The following PLEKHG4B variants were observed in gnomAD, a reference collection of about 807,000 sequenced individuals.
PLEKHG4B encodes the protein pleckstrin homology domain-containing family G member 4B.
A neutral mutation model predicts 121.3 loss-of-function variants in PLEKHG4B; 111 were observed. The ratio of observed to expected loss-of-function variants is 0.92; its 90% confidence interval spans 0.78 to 1.07. The LOEUF is 1.07. Ranked by LOEUF, PLEKHG4B falls within the 50% of genes least tolerant of loss-of-function variation. PLEKHG4B has a pLI of 0.00. For missense variants in PLEKHG4B, 1,831 were observed against 1,757.8 expected, an observed-to-expected ratio of 1.04 and a Z score of -0.74; for synonymous variants, 738 against 725.0, an observed-to-expected ratio of 1.02 and a Z score of -0.29.
At position 169,202 on chromosome 5, in the gene PLEKHG4B, G is replaced by T; in HGVS notation, c.3477-138G>T. 3 of 1,192,446 alleles carry T rather than the reference G, an allele frequency of 2.5e-6. No individual in the cohort carries two copies. The South Asian group carries it at 4.5e-5, about 18-fold the overall frequency. 73.9% of individuals were successfully genotyped at this position (1,192,446 alleles called of 1,614,324 possible). ...AGCTTTTTTATCGTGCATCCCACAT[G>T]TGCCCATGTGCCTCCAGTCCACATG... On this transcript the variant is annotated intron_variant, in intron 13 of 19. Transcript: ENST00000637938.
rs1735919962 is a variant in PLEKHG4B, at chr5:159,460, C to T, written c.2488-2323C>T. On this transcript the variant is annotated intron_variant, in intron 11 of 19. Transcript: ENST00000637938. This position sits in a 1 kb window ranked among gnomAD's most constrained non-coding sequence, Gnocchi z 5.5. ...TTGCCTTAATTTTCCCCACCCCTGG[C>T]TGTGTGCTGTCCTTGTAAGGTAGAT... is the stretch of plus-strand genomic sequence containing the variant. Among the ~76,000 whole-genome samples the T allele has an allele frequency of 6.6e-6, 1 of 152,226 alleles. No individual in the cohort carries two copies. The highest frequency in any genetic ancestry group is 2.4e-5 in the African/African-American group (1 of 41,458).
At chr5:123,848 C>T (rs1472545360) in intron 2 of PLEKHG4B, among the ~76,000 whole-genome samples, 1 of 151,912 alleles carries the variant, frequency 6.6e-6, no homozygotes, top group Non-Finnish European at 1.5e-5. Flanking sequence ...TCTATTCTTT[C>T]ATGTATCTCT....
chr5:151,575 G>C lies in PLEKHG4B; in HGVS notation c.1968G>C (p.Arg656Ser). The change falls in exon 7 of 20, where the codon AGG becomes AGC. Residue 656 changes from arginine to serine, a missense_variant. By Grantham distance (110) the Arg-to-Ser change is moderately radical (BLOSUM62 -1). Coordinates refer to ENST00000637938, the MANE Select transcript of PLEKHG4B (RefSeq NM_052909.5). ...TGGTAGATAAAGAATCTGCATTTAG[G>C]CCTGACAAGGATGCAATAATTCAGG... ...LLLVDKESAF[R>S]PDKDAIIQCE... 1 of 1,589,286 alleles carries C rather than the reference G, an allele frequency of 6.3e-7. No individual in the cohort carries two copies. The highest frequency in any genetic ancestry group is 8.6e-7 in the Non-Finnish European group (1 of 1,158,938).
At chr5:147,931 C>T (rs1244105365) in intron 6 of PLEKHG4B, among the ~76,000 whole-genome samples, 8 of 151,772 alleles carry the variant, frequency 5.3e-5, no homozygotes, top group East Asian at 3.9e-4. Flanking sequence ...AAGGATGGTT[C>T]GACACATGAA....
chr5:108,063 A>G (rs1273094381), intron 1 of PLEKHG4B, among the ~76,000 whole-genome samples: 1 of 152,142 alleles, frequency 6.6e-6, no homozygotes, highest in African/African-American at 2.4e-5. Flanking sequence ...ATCCCCTGCC[A>G]CCAGGTCCTG....
At chr5:143,754 ACACT>A (rs1159968096) in intron 5 of PLEKHG4B, among the ~76,000 whole-genome samples, 1 of 152,218 alleles carries the variant, frequency 6.6e-6, no homozygotes, top group Non-Finnish European at 1.5e-5. Context: ...CAGACAGGGC[ACACT>A]CACTCTTTGG....
chr5:102,336 A>G (rs1186394471), intron 1 of PLEKHG4B, among the ~76,000 whole-genome samples: 1 of 152,074 alleles, frequency 6.6e-6, no homozygotes, highest in Non-Finnish European at 1.5e-5. Context: ...GGATTTGACT[A>G]TATTTTGTAA....
chr5:101,255 G>C (rs1317792407), intron 1 of PLEKHG4B, among the ~76,000 whole-genome samples: 1 of 124,886 alleles, frequency 8.0e-6, no homozygotes, highest in Non-Finnish European at 1.6e-5. Context: ...GTCTGTAGGG[G>C]AGACTGTTGT....
At chr5:170,568 G>A (rs979147617) in intron 14 of PLEKHG4B, among the ~76,000 whole-genome samples, 1 of 152,170 alleles carries the variant, frequency 6.6e-6, no homozygotes, top group Non-Finnish European at 1.5e-5. Context: ...CCAAAGTGCT[G>A]GGATTACAGG....
intron 6 of PLEKHG4B, 61 bp from the exon 7 acceptor site, chr5:151,452 C>A: frequency 8.5e-7 from 1 of 1,178,314 alleles, no homozygotes; most frequent in Non-Finnish European, 1.2e-6. Context: ...TTGGGCAATT[C>A]TATTAATGAA....
At position 176,057 on chromosome 5, in the gene PLEKHG4B, G is replaced by A. The variant is rs551439520; in HGVS notation, c.4402+1959G>A. ...CAGGTGAAGCCACCACCTCCCCACC[G>A]GCCCCTGAAACACTCCGGAGCCAGC... On this transcript the variant is annotated intron_variant, in intron 18 of 19. Coordinates refer to ENST00000637938, the MANE Select transcript of PLEKHG4B (RefSeq NM_052909.5). Among the ~76,000 whole-genome samples, 10 of 115,174 alleles carry A rather than the reference G, an allele frequency of 8.7e-5. 4 individuals are homozygous for A. Among genetic ancestry groups the A allele is most frequent in the Admixed American group, 5.9e-4 (7 of 11,950 alleles). 75.6% of individuals were successfully genotyped at this position (115,174 alleles called of 152,430 possible). A position where few individuals can be genotyped will look rare whatever the true frequency, so the allele number is the denominator to read the frequency against.
chr5:175,153 T>TCCTGCC (rs2126461202), intron 18 of PLEKHG4B, among the ~76,000 whole-genome samples: 1 of 152,168 alleles, frequency 6.6e-6, no homozygotes, highest in South Asian at 2.1e-4. Flanking sequence ...CTGGTTGACT[T>TCCTGCC]CCTGCCCCTG....
At position 113,347 on chromosome 5, in the gene PLEKHG4B, A is replaced by G. The variant is rs1036852984; in HGVS notation, c.142A>G (p.Ser48Gly). ...AGCCACGGTGCTCTGGCAGCTGTTC[A>G]GCGTGGCCGAGAGGTGCCACGGTGG... ...TAATVLWQLFSVAERCHGGDG... is the reference protein window; with the variant it reads ...TAATVLWQLFGVAERCHGGDG... Residue 48 changes from serine to glycine, a missense_variant, in exon 2 of 20, where the codon AGC (serine) becomes GGC (glycine). Coordinates refer to ENST00000637938, the MANE Select transcript of PLEKHG4B (RefSeq NM_052909.5). This position sits in a 1 kb window ranked among gnomAD's most constrained non-coding sequence, Gnocchi z 5.2. The G allele has an allele frequency of 5.0e-6, 2 of 398,996 alleles. No homozygotes were observed. Among genetic ancestry groups the G allele is most frequent in the East Asian group, 3.6e-5 (1 of 28,074 alleles). The allele number at this position is 398,996 out of a possible 1,614,324, so 24.7% of individuals were successfully genotyped here.
intron 3 of PLEKHG4B, among the ~76,000 whole-genome samples, chr5:141,711 A>ATTTTT (rs34273619): frequency 0.043 from 5,429 of 127,296 alleles, 224 homozygotes; most frequent in African/African-American, 0.097. Flanking sequence ...TAAATATTTC[A>ATTTTT]TTTTTTTTTT....
chr5:153,617 A>C (rs1163059049), intron 7 of PLEKHG4B, among the ~76,000 whole-genome samples: 1 of 151,924 alleles, frequency 6.6e-6, no homozygotes, highest in Non-Finnish European at 1.5e-5. Context: ...TGGCCACCCC[A>C]CCCCGTCCTC....
At position 163,527 on chromosome 5, in the gene PLEKHG4B, A is replaced by G; in HGVS notation, c.3455A>G (p.Asp1152Gly). ...TCGGGGCTCCACCCTGCTGAGGAGGATGGGAGGCAGCAGGTGGGCAGGTGA... is the reference window on the plus strand; with the variant it reads ...TCGGGGCTCCACCCTGCTGAGGAGGGTGGGAGGCAGCAGGTGGGCAGGTGA... ...SPSGLHPAEE[D>G]GRQQVGSSRL... Residue 1152 changes from aspartate to glycine, a missense_variant, in exon 13 of 20, where the codon GAT (aspartate) becomes GGT (glycine). Asp to Gly is a moderately conservative substitution (Grantham distance 94). Coordinates refer to ENST00000637938, the MANE Select transcript of PLEKHG4B (RefSeq NM_052909.5). The G allele has an allele frequency of 1.9e-6, 3 of 1,603,596 alleles. No individual in the cohort carries two copies. The highest frequency in any genetic ancestry group is 1.7e-4 in the Middle Eastern group (1 of 5,780).
chr5:178,928 G>T (rs1736846569), intron 18 of PLEKHG4B, among the ~76,000 whole-genome samples: 1 of 152,198 alleles, frequency 6.6e-6, no homozygotes, highest in African/African-American at 2.4e-5. Context: ...ATAGTACAAT[G>T]AAAATGCTTA....
intron 2 of PLEKHG4B, among the ~76,000 whole-genome samples, chr5:120,011 G>A (rs1201178370): frequency 6.6e-6 from 1 of 152,164 alleles, no homozygotes; most frequent in African/African-American, 2.4e-5. Context: ...ACTTTGCAAG[G>A]CTGTGGGGGA....
chr5:112,102 G>C (rs886832621), intron 1 of PLEKHG4B, among the ~76,000 whole-genome samples: 8 of 152,246 alleles, frequency 5.3e-5, no homozygotes, highest in Admixed American at 2.6e-4. Context: ...CAACAAGTGA[G>C]TGGCCCTGTC....
Sources: gnomAD v4.1 joint callset for allele counts (sites outside exome capture counted in the v4.1 genomes callset) on GRCh38, gnomAD v4.1.1 for gene constraint, Gnocchi (gnomAD v3.1) non-coding constraint, MANE v1.5 for transcripts, NCBI Gene and HGNC (gene_info 2026-07-23, HGNC 2026-07-21) for gene names.